Variants in PAX8 observed in about 807,000 individuals in gnomAD.
PAX8 encodes the protein paired box 8.
Under a neutral mutation model 52.4 loss-of-function variants are expected in PAX8, and 15 were observed. The observed-to-expected ratio is 0.29, with a 90% CI of 0.19 to 0.44. PAX8 has a LOEUF of 0.44. Ranked by LOEUF, PAX8 falls within the 20% of genes least tolerant of loss-of-function variation. The pLI is 1.00. For synonymous variants in PAX8, 284 were observed against 249.7 expected (o/e 1.14, Z -1.29); for missense variants, 554 against 602.5 (o/e 0.92, Z 0.84).
intron 2 of PAX8, among the ~76,000 whole-genome samples, chr2:113,251,594 T>C (rs1691770046): frequency 6.6e-6 from 1 of 152,106 alleles, no homozygotes; most frequent in Non-Finnish European, 1.5e-5. Flanking sequence ...AGTAAAGGGA[T>C]TGGAGCTCAG....
intron 2 of PAX8, chr2:113,273,170 A>G (rs1693581549): frequency 6.6e-6 from 1 of 152,274 alleles, no homozygotes; most frequent in Non-Finnish European, 1.5e-5. Flanking sequence ...GTGGCGAGAG[A>G]AAGTAAACAC....
chr2:113,235,588 G>C lies in PAX8; in HGVS notation c.899-6C>G. On this transcript the variant is annotated splice_polypyrimidine_tract_variant and splice_region_variant and intron_variant, in intron 8 of 11. Coordinates refer to ENST00000429538, the MANE Select transcript of PAX8 (RefSeq NM_003466.4). ...GGCGAAGGGTGAGTGAGGATCTGCC[G>C]GAGGGAGGGAGACAACAAGGAGAGA... 6.2e-7 allele frequency: 1 copy of C among 1,603,212 alleles called. No individual in the cohort carries two copies. Among genetic ancestry groups the C allele is most frequent in the Non-Finnish European group, 8.5e-7 (1 of 1,172,768 alleles).
chr2:113,257,016 G>A (rs1429746895), intron 2 of PAX8, among the ~76,000 whole-genome samples: 11 of 152,096 alleles, frequency 7.2e-5, no homozygotes, highest in African/African-American at 2.4e-4. Context: ...GGACATAGGG[G>A]GATGAAGAAA....
At chr2:113,240,358 C>G (rs986567449) in intron 7 of PAX8, 2 of 152,268 alleles carry the variant, frequency 1.3e-5, no homozygotes, top group African/African-American at 4.8e-5. Context: ...GCAGCCCAGA[C>G]GGTCACTGGA....
At chr2:113,226,576 A>C in intron 10 of PAX8, 1 of 1,040,746 alleles carries the variant, frequency 9.6e-7, no homozygotes, top group Non-Finnish European at 1.2e-6. Context: ...TTCATCCTCT[A>C]TAGTACTCTT....
At chr2:113,233,950 G>A (rs1690073487) in intron 9 of PAX8, among the ~76,000 whole-genome samples, 1 of 152,228 alleles carries the variant, frequency 6.6e-6, no homozygotes, top group African/African-American at 2.4e-5. Flanking sequence ...GGCTGCCTCT[G>A]TGACAGGTCT....
At chr2:113,230,905 TC>T (rs1182780503) in intron 9 of PAX8, among the ~76,000 whole-genome samples, 3 of 152,194 alleles carry the variant, frequency 2.0e-5, no homozygotes, top group African/African-American at 7.2e-5. Flanking sequence ...TCCAACGTGG[TC>T]CTATTTTAGG....
Position 113,235,560 on chromosome 2 carries a change from T to C in PAX8, c.921A>G (p.Ile307Met), listed in dbSNP as rs775273399. 5.6e-6 allele frequency: 9 copies of C among 1,612,906 alleles called. No individual in the cohort carries two copies. The highest frequency in any genetic ancestry group is 7.6e-6 in the Non-Finnish European group (9 of 1,179,344). Residue 307 changes from isoleucine to methionine, a missense_variant, in exon 9 of 12, where the codon ATA becomes ATG. Around this residue, in one of 2 missense-constraint regions of PAX8, gnomAD observed 445 missense variants for 409.9 expected, o/e 1.09. Coordinates refer to ENST00000429538, the MANE Select transcript of PAX8 (RefSeq NM_003466.4). ...TGGACACCTCGGGGGTTTCCTGCTTTATGGCGAAGGGTGAGTGAGGATCTG... is the reference window on the plus strand; with the variant it reads ...TGGACACCTCGGGGGTTTCCTGCTTCATGGCGAAGGGTGAGTGAGGATCTG... ...VVADPHSPFA[I>M]KQETPEVSSS...
In PAX8 at chr2:113,235,441, T is replaced by A; in HGVS notation, c.1040A>T (p.His347Leu). ...SGVPPFNAFP[H>L]AASVYGQFTG... ...GAACTGCCCGTACACGGAGGCAGCA[T>A]GGGGAAAGGCATTGAAGGGCGGGAC... The change falls in exon 9 of 12, where the codon CAT becomes CTT. Residue 347 changes from histidine (H) to leucine (L), a missense_variant. His to Leu is a moderately conservative substitution (Grantham distance 99). Transcript: ENST00000429538. 1.2e-6 allele frequency: 2 copies of A among 1,608,704 alleles called. No individual in the cohort carries two copies. Among genetic ancestry groups the A allele is most frequent in the African/African-American group, 1.3e-5 (1 of 74,910 alleles).
At chr2:113,263,636 G>C (rs1270225721) in intron 2 of PAX8, among the ~76,000 whole-genome samples, 1 of 152,172 alleles carries the variant, frequency 6.6e-6, no homozygotes, top group Non-Finnish European at 1.5e-5. Flanking sequence ...GCAGACCTGA[G>C]ACTGCATTCA....
In PAX8 at chr2:113,255,127, A is replaced by C. The variant is rs1418251552; in HGVS notation, c.26-8208T>G. ...GAGGGAGAGAGGAATAGAGGGAAGG[A>C]GGAAGGAAGGAAGGAAGGAAAGAAG... On this transcript the variant is annotated intron_variant, in intron 2 of 11. Transcript: ENST00000429538. Among the ~76,000 whole-genome samples, 12 of 145,594 alleles carry C rather than the reference A, an allele frequency of 8.2e-5. No individual in the cohort carries two copies. In the East Asian group the frequency reaches 2.3e-3, roughly 28 times the overall value.
chr2:113,270,888 T>A (rs761516149), intron 2 of PAX8: 2 of 152,208 alleles, frequency 1.3e-5, no homozygotes, highest in Non-Finnish European at 2.9e-5. Context: ...GAATGAATTA[T>A]TTTTTCTTTC....
At chr2:113,247,331 T>A (rs1201939605) in intron 2 of PAX8, among the ~76,000 whole-genome samples, 1 of 152,248 alleles carries the variant, frequency 6.6e-6, no homozygotes, top group African/African-American at 2.4e-5. Flanking sequence ...CTCTTTTCCT[T>A]TTGTAAAATG....
At position 113,278,409 on chromosome 2, in the gene PAX8, TC is replaced by T; in HGVS notation, c.-16del. 2 of 1,610,690 alleles carry T rather than the reference TC, an allele frequency of 1.2e-6. No homozygotes were observed. The highest frequency in any genetic ancestry group is 8.5e-7 in the Non-Finnish European group (1 of 1,178,776). On this transcript the variant is annotated 5_prime_UTR_variant, in exon 2 of 12. Transcript: ENST00000429538. The stretch of plus-strand genomic sequence containing the variant: ...TTGTGAGGCATCGCCGGGGAGTCGC[TC>T]GCAGCCCGCCGAGGGCTCGGGGCTT...
intron 10 of PAX8, chr2:113,226,594 C>T: frequency 1.9e-6 from 2 of 1,051,136 alleles, no homozygotes; most frequent in Non-Finnish European, 2.3e-6. Flanking sequence ...CTTAGAGTAC[C>T]TAGAACCCGG....
rs747927240 is a variant in PAX8 at position 113,236,721 on chromosome 2, C to T, written c.778G>A (p.Gly260Ser). Residue 260 changes from glycine (G) to serine (S), a missense_variant and splice_region_variant, in exon 8 of 12, where the codon GGC (glycine) becomes AGC (serine). Transcript: ENST00000429538. ...TTGAGCAAGGGCAGCGGGTAGAGGCCCTGGGGAGCAAAGAGAAGTCAGCGC... is the reference window on the plus strand; with the variant it reads ...TTGAGCAAGGGCAGCGGGTAGAGGCTCTGGGGAGCAAAGAGAAGTCAGCGC... ...ASPSHTKGEQGLYPLPLLNST... is the reference protein window; with the variant it reads ...ASPSHTKGEQSLYPLPLLNST... The T allele has an allele frequency of 5.1e-6, 8 of 1,561,120 alleles. No individual in the cohort carries two copies. Among genetic ancestry groups the T allele is most frequent in the Non-Finnish European group, 5.2e-6 (6 of 1,153,758 alleles).
chr2:113,227,301 C>A (rs938685168), intron 9 of PAX8, 45 bp from the exon 10 acceptor site: 1 of 1,437,990 alleles, frequency 7.0e-7, no homozygotes, highest in African/African-American at 1.4e-5. Context: ...CATGGGGGCT[C>A]CCATATGTAT....
chr2:113,216,437 A>G lies in PAX8; in HGVS notation c.*2096T>C. On this transcript the variant is annotated 3_prime_UTR_variant, in exon 12 of 12. Transcript: ENST00000429538. ...GGCCCCTTCTATCTGACTCAATCCC[A>G]GTGTTGTTTGTCCAGCTGCCCATAT... 4.3e-6 allele frequency: 1 copy of G among 231,318 alleles called. No individual in the cohort carries two copies. The highest frequency in any genetic ancestry group is 6.1e-5 in the East Asian group (1 of 16,312). 14.3% of individuals were successfully genotyped at this position (231,318 alleles called of 1,614,324 possible).
chr2:113,218,656 G>T (rs1689108752), intron 11 of PAX8, 47 bp from the exon 12 acceptor site: 1 of 1,279,596 alleles, frequency 7.8e-7, no homozygotes, highest in South Asian at 1.3e-5. Context: ...GGTCAGAAAG[G>T]AAAATTGCAC....
Sources: gnomAD v4.1 joint callset for allele counts (sites outside exome capture counted in the v4.1 genomes callset) on GRCh38, gnomAD v4.1.1 for gene constraint, gnomAD v4.1.1 regional missense constraint, MANE v1.5 for transcripts, NCBI Gene and HGNC (gene_info 2026-07-23, HGNC 2026-07-21) for gene names.